ZNF654: variants seen among roughly 807,000 people sequenced by gnomAD.
The protein encoded by ZNF654 is zinc finger protein 654, also known as melanoma-associated antigen.
ZNF654 carries 19 observed loss-of-function variants against 95.3 expected under a neutral mutation model. The ratio of observed to expected loss-of-function variants is 0.20; its 90% CI spans 0.14 to 0.29. The LOEUF is 0.29. Ranked by LOEUF, ZNF654 falls within the 10% of genes least tolerant of loss-of-function variation. The probability of loss-of-function intolerance (pLI) is 1.00; values close to 1 mark genes in which losing one functional copy is unlikely to be tolerated. For missense variants in ZNF654, 1,046 were observed against 1,341.0 expected (o/e 0.78, Z 3.44); for synonymous variants, 413 against 457.9 (o/e 0.90, Z 1.25).
chr3:88,141,856 A>G lies in ZNF654; in HGVS notation c.*204A>G, dbSNP rs998573496. 2 of 408,432 alleles carry G rather than the reference A, an allele frequency of 4.9e-6. No individual in the cohort carries two copies. The highest frequency in any genetic ancestry group is 4.2e-5 in the Admixed American group (1 of 23,944). 25.3% of individuals were successfully genotyped at this position (408,432 alleles called of 1,614,324 possible). ...ACTCCAAAAGGATTATAAAACTCCC[A>G]AAGTACCAGTTTTCCAGAAAACCAC... On this transcript the variant is annotated 3_prime_UTR_variant, in exon 9 of 9. Coordinates refer to ENST00000636215, the MANE Select transcript of ZNF654 (RefSeq NM_001350134.2).
At chr3:88,063,202 C>T (rs906804933) in intron 1 of ZNF654, among the ~76,000 whole-genome samples, 7 of 152,132 alleles carry the variant, frequency 4.6e-5, no homozygotes, top group African/African-American at 1.7e-4. Flanking sequence ...CACAGGATGG[C>T]TCTAACAACA....
Position 88,142,343 on chromosome 3 carries a change from C to T in ZNF654, c.*691C>T, listed in dbSNP as rs1707174970. 1 of 152,024 alleles carries T rather than the reference C, an allele frequency of 6.6e-6. No homozygotes were observed. Among genetic ancestry groups the T allele is most frequent in the Admixed American group, 6.6e-5 (1 of 15,200 alleles). The allele number at this position is 152,024 out of a possible 1,614,324, so 9.4% of individuals were successfully genotyped here. On this transcript the variant is annotated 3_prime_UTR_variant, in exon 9 of 9. Transcript: ENST00000636215. ...CTAATAAGCTCTTGATAGAACCTCC[C>T]ACTAACCACTTTTGTGGTACAAATT... is the stretch of plus-strand genomic sequence containing the variant.
At chr3:88,135,784 T>C (rs1706744331) in intron 7 of ZNF654, among the ~76,000 whole-genome samples, 1 of 152,120 alleles carries the variant, frequency 6.6e-6, no homozygotes, top group African/African-American at 2.4e-5. Flanking sequence ...ATCCTGCAGA[T>C]CTTTTAGTTT....
chr3:88,140,222 C>T lies in ZNF654; in HGVS notation c.2553C>T (p.Cys851=). ...IFQAQCSFPE[C]HELFEDLPLL... is the part of the protein sequence containing the mutation. Reference sequence around the variant, plus strand: ...AGGCTCAGTGTAGTTTTCCAGAATGCCATGAGCTTTTTGAAGATCTTCCTC... The same window carrying T: ...AGGCTCAGTGTAGTTTTCCAGAATGTCATGAGCTTTTTGAAGATCTTCCTC... Residue 851 remains cysteine (C), a synonymous_variant, in exon 8 of 9, where the codon TGC becomes TGT. Transcript: ENST00000636215. The T allele has an allele frequency of 6.2e-7, 1 of 1,613,834 alleles. No homozygotes were observed. Among genetic ancestry groups the T allele is most frequent in the African/African-American group, 1.3e-5 (1 of 75,026 alleles).
At chr3:88,136,922 C>T (rs1242688023) in intron 7 of ZNF654, among the ~76,000 whole-genome samples, 2 of 152,034 alleles carry the variant, frequency 1.3e-5, no homozygotes, top group African/African-American at 4.8e-5. Flanking sequence ...AGGCTGGGCG[C>T]GATGGCTTAC....
intron 7 of ZNF654, 133 bp from the exon 8 acceptor site, chr3:88,138,572 A>G (rs1247778269): frequency 4.2e-6 from 2 of 472,230 alleles, no homozygotes; most frequent in Non-Finnish European, 6.8e-6. Context: ...AGGCTACTAA[A>G]TATGGAAAAT....
chr3:88,083,120 C>A (rs1473516724), intron 1 of ZNF654, among the ~76,000 whole-genome samples: 1 of 151,978 alleles, frequency 6.6e-6, no homozygotes, highest in Non-Finnish European at 1.5e-5. Context: ...TAGGACTTCA[C>A]CTTTATGACC....
intron 2 of ZNF654, among the ~76,000 whole-genome samples, chr3:88,097,142 C>T (rs376762345): frequency 1.4e-4 from 22 of 151,906 alleles, no homozygotes; most frequent in Admixed American, 1.1e-3. Flanking sequence ...CATGTATGAC[C>T]GGAATATGTA....
Position 88,141,716 on chromosome 3 carries a change from G to T in ZNF654, c.*64G>T. The T allele has an allele frequency of 7.7e-7, 1 of 1,305,278 alleles. No individual in the cohort carries two copies. Among genetic ancestry groups the T allele is most frequent in the South Asian group, 1.8e-5 (1 of 56,728 alleles). The allele number at this position is 1,305,278 out of a possible 1,614,324, so 80.9% of individuals were successfully genotyped here. ...TGTGAAAAAAGCACTATAAGAAAAT[G>T]CATCATCAGTTTGCTATTTCCCTGA... On this transcript the variant is annotated 3_prime_UTR_variant, in exon 9 of 9. Coordinates refer to ENST00000636215, the MANE Select transcript of ZNF654 (RefSeq NM_001350134.2).
chr3:88,141,599 C>T (rs1403872637), intron 8 of ZNF654, 46 bp from the exon 9 acceptor site: 16 of 1,396,568 alleles, frequency 1.1e-5, no homozygotes, highest in Non-Finnish European at 1.4e-5. Flanking sequence ...GAATTCCGGT[C>T]GAATGTCAAT....
chr3:88,096,830 C>T (rs1254190413), intron 2 of ZNF654, among the ~76,000 whole-genome samples: 4 of 152,090 alleles, frequency 2.6e-5, no homozygotes, highest in Non-Finnish European at 5.9e-5. Context: ...GTTTCTGTAT[C>T]TGTAGCCATC....
intron 1 of ZNF654, among the ~76,000 whole-genome samples, chr3:88,071,044 T>A (rs978167275): frequency 7.2e-5 from 11 of 152,184 alleles, no homozygotes; most frequent in Admixed American, 2.0e-4. Context: ...ATTCATCGGT[T>A]CTCAATTTAT....
chr3:88,113,287 T>C (rs1705202269), intron 3 of ZNF654, 91 bp downstream of exon 3: 1 of 729,876 alleles, frequency 1.4e-6, no homozygotes, highest in Admixed American at 3.3e-5. Flanking sequence ...TATTATTGCT[T>C]ATAAGTTTTT....
rs547611820 is a variant in ZNF654 at position 88,100,827 on chromosome 3, G to A, written c.333-12288G>A. 2.0e-5 allele frequency among the ~76,000 whole-genome samples: 3 copies of A among 152,210 alleles called. No homozygotes were observed. In the East Asian group the frequency reaches 5.8e-4, roughly 29 times the overall value. ...GCCTGTCATGGGGTGGGGAAAGCGG[G>A]GAGGGATAGCATCAGGAGATATACC... is the stretch of plus-strand genomic sequence containing the variant. On this transcript the variant is annotated intron_variant, in intron 2 of 8. Coordinates refer to ENST00000636215, the MANE Select transcript of ZNF654 (RefSeq NM_001350134.2).
chr3:88,080,482 G>A (rs1434360431), intron 1 of ZNF654, among the ~76,000 whole-genome samples: 1 of 152,074 alleles, frequency 6.6e-6, no homozygotes. Flanking sequence ...CAATAGGCCT[G>A]TGATTAAAGT....
At chr3:88,092,888 G>A (rs1285372021) in intron 2 of ZNF654, among the ~76,000 whole-genome samples, 2 of 152,102 alleles carry the variant, frequency 1.3e-5, no homozygotes, top group Non-Finnish European at 2.9e-5. Context: ...TGGGACACTT[G>A]AAAATTAGAG....
At position 88,066,919 on chromosome 3, in the gene ZNF654, A is replaced by G. The variant is rs145944585; in HGVS notation, c.186+7414A>G. On this transcript the variant is annotated intron_variant, in intron 1 of 8. Coordinates refer to ENST00000636215, the MANE Select transcript of ZNF654 (RefSeq NM_001350134.2). ...AATGACACATTAATTGTATATTAAT[A>G]TGTAATGTTAAAGATATTAGGAGAT... Among the ~76,000 whole-genome samples, 1,084 of 152,356 alleles carry G rather than the reference A, an allele frequency of 7.1e-3. 12 individuals are homozygous for G. The highest frequency in any genetic ancestry group is 0.024 in the African/African-American group (996 of 41,566).
chr3:88,140,733 C>T lies in ZNF654; in HGVS notation c.3064C>T (p.Pro1022Ser). The T allele has an allele frequency of 6.2e-7, 1 of 1,613,700 alleles. No individual in the cohort carries two copies. The highest frequency in any genetic ancestry group is 1.1e-5 in the South Asian group (1 of 91,066). Residue 1022 changes from proline (P) to serine (S), a missense_variant, in exon 8 of 9, where the codon CCA becomes TCA. By Grantham distance (74) the Pro-to-Ser change is moderately conservative (BLOSUM62 -1). Coordinates refer to ENST00000636215, the MANE Select transcript of ZNF654 (RefSeq NM_001350134.2). The part of the protein sequence containing the change: ...SVVPQEHNTL[P>S]VSQAPSKPNL... Reference sequence around the variant, plus strand: ...TGTACCACAAGAACACAACACCTTGCCAGTATCTCAGGCACCTTCCAAACC... The same window carrying T: ...TGTACCACAAGAACACAACACCTTGTCAGTATCTCAGGCACCTTCCAAACC...
intron 7 of ZNF654, among the ~76,000 whole-genome samples, chr3:88,137,182 G>A (rs139996861): frequency 0.023 from 2,393 of 103,990 alleles, 80 homozygotes; most frequent in African/African-American, 0.081. Flanking sequence ...GTGACAGTGC[G>A]AGACTCTGTC....
Sources: gnomAD v4.1 joint callset for allele counts (sites outside exome capture counted in the v4.1 genomes callset) on GRCh38, gnomAD v4.1.1 for gene constraint, MANE v1.5 for transcripts, NCBI Gene and HGNC (gene_info 2026-07-23, HGNC 2026-07-21) for gene names.